PTPRM: variants seen among roughly 807,000 people sequenced by gnomAD.
PTPRM encodes protein tyrosine phosphatase receptor type M.
PTPRM carries 47 observed loss-of-function variants against 186.7 expected under a neutral mutation model. The ratio of observed to expected loss-of-function variants is 0.25; its 90% CI spans 0.20 to 0.32. The LOEUF (loss-of-function observed/expected upper bound fraction) is 0.32. Among genes scored for constraint, PTPRM ranks in the 10% least tolerant of loss-of-function variants. The pLI is 1.00. For missense variants in PTPRM, 1,494 were observed against 1,865.0 expected (o/e 0.80, Z 3.66); for synonymous variants, 668 against 674.9 (o/e 0.99, Z 0.16).
intron 14 of PTPRM, among the ~76,000 whole-genome samples, chr18:8,229,116 A>G (rs1325921998): frequency 1.3e-5 from 2 of 152,004 alleles, no homozygotes; most frequent in Non-Finnish European, 2.9e-5. Flanking sequence ...TATATTTTTT[A>G]TGATCAGGAA....
chr18:7,617,410 GT>G (rs2037831993), intron 1 of PTPRM, among the ~76,000 whole-genome samples: 1 of 152,068 alleles, frequency 6.6e-6, no homozygotes, highest in Non-Finnish European at 1.5e-5. Context: ...AGAAGTTATA[GT>G]TATTTGTTTA....
intron 1 of PTPRM, among the ~76,000 whole-genome samples, chr18:7,723,747 T>A (rs760841588): frequency 3.3e-4 from 50 of 152,324 alleles, no homozygotes; most frequent in Non-Finnish European, 3.5e-4. Flanking sequence ...TTCCAGCGTT[T>A]CCCTTCGGGA....
At position 7,629,464 on chromosome 18, in the gene PTPRM, A is replaced by G. The variant is rs1169009964; in HGVS notation, c.73+61573A>G. Among the ~76,000 whole-genome samples, 4 of 152,116 alleles carry G rather than the reference A, an allele frequency of 2.6e-5. No individual in the cohort carries two copies. The East Asian group carries it at 7.7e-4, about 29-fold the overall frequency. On this transcript the variant is annotated intron_variant, in intron 1 of 32. Coordinates refer to ENST00000580170, the MANE Select transcript of PTPRM (RefSeq NM_001105244.2). ...TTTAGGGTGGGGCCTGAACATCTGA[A>G]TTTTTAATCAACACAATAGGGGACC...
At chr18:7,590,867 C>G (rs2037107248) in intron 1 of PTPRM, among the ~76,000 whole-genome samples, 1 of 152,232 alleles carries the variant, frequency 6.6e-6, no homozygotes, top group Non-Finnish European at 1.5e-5. Flanking sequence ...TTCAGTTTTT[C>G]TGGATCTACC....
intron 5 of PTPRM, among the ~76,000 whole-genome samples, chr18:7,940,680 G>A (rs2052112357): frequency 6.6e-6 from 1 of 152,010 alleles, no homozygotes; most frequent in South Asian, 2.1e-4. Flanking sequence ...CTGGGTGTGT[G>A]CCTTCTCGGT....
intron 23 of PTPRM, among the ~76,000 whole-genome samples, chr18:8,365,992 AG>A (rs1327317371): frequency 1.3e-5 from 2 of 152,188 alleles, no homozygotes; most frequent in South Asian, 2.1e-4. Context: ...GCCTGGGGAG[AG>A]GGGGGCTTCA....
chr18:8,389,928 TAG>T (rs949229863), intron 31 of PTPRM, among the ~76,000 whole-genome samples: 1 of 152,114 alleles, frequency 6.6e-6, no homozygotes, highest in African/African-American at 2.4e-5. Flanking sequence ...GGTAGGCAAA[TAG>T]AGAGTGTTTT....
chr18:7,837,169 A>G (rs2046091827), intron 2 of PTPRM, among the ~76,000 whole-genome samples: 1 of 152,114 alleles, frequency 6.6e-6, no homozygotes, highest in African/African-American at 2.4e-5. Context: ...GCTATTTTCT[A>G]GTTCCTATAG....
At chr18:7,942,830 G>A (rs554372756) in intron 5 of PTPRM, among the ~76,000 whole-genome samples, 165 of 152,138 alleles carry the variant, frequency 1.1e-3, no homozygotes, top group African/African-American at 3.9e-3. Flanking sequence ...CCAGTACTTT[G>A]AGGACATCCC....
At position 8,063,332 on chromosome 18, in the gene PTPRM, G is replaced by A. The variant is rs201830015; in HGVS notation, c.1133-6354G>A. Among the ~76,000 whole-genome samples the A allele has an allele frequency of 4.8e-3, 715 of 150,498 alleles. 24 individuals are homozygous for A. Among genetic ancestry groups the A allele is most frequent in the Admixed American group, 0.038 (581 of 15,224 alleles). On this transcript the variant is annotated intron_variant, in intron 7 of 32. Transcript: ENST00000580170. ...TGCTTCGGCTTGCGCACACCCACTG[G>A]CCTGCGCCCACTGTCTGGCACTCCC...
intron 1 of PTPRM, among the ~76,000 whole-genome samples, chr18:7,586,311 A>T (rs1250061022): frequency 6.6e-6 from 1 of 152,104 alleles, no homozygotes; most frequent in East Asian, 1.9e-4. Flanking sequence ...CGGGTGGATG[A>T]ATGGTTCAGG....
At chr18:8,078,833 G>A (rs1384332594) in intron 9 of PTPRM, among the ~76,000 whole-genome samples, 1 of 152,160 alleles carries the variant, frequency 6.6e-6, no homozygotes, top group African/African-American at 2.4e-5. Flanking sequence ...AGAGAGCAAA[G>A]TAGGGGGTGC....
chr18:8,121,744 G>A (rs1014065206), intron 13 of PTPRM: 3 of 152,170 alleles, frequency 2.0e-5, no homozygotes, highest in African/African-American at 7.2e-5. Flanking sequence ...GTGAAAGAGT[G>A]TAATATTCTT....
intron 1 of PTPRM, among the ~76,000 whole-genome samples, chr18:7,712,666 AG>A (rs1219028440): frequency 6.6e-6 from 1 of 152,076 alleles, no homozygotes; most frequent in Non-Finnish European, 1.5e-5. Flanking sequence ...AGTTTAGAGA[AG>A]AACATAAATG....
At chr18:8,258,433 A>G (rs930402357) in intron 19 of PTPRM, among the ~76,000 whole-genome samples, 1 of 152,104 alleles carries the variant, frequency 6.6e-6, no homozygotes, top group African/African-American at 2.4e-5. Flanking sequence ...CCAGCCCTAG[A>G]CAAGGGTGTG....
intron 13 of PTPRM, among the ~76,000 whole-genome samples, chr18:8,133,877 A>G (rs577105262): frequency 1.3e-5 from 2 of 152,286 alleles, no homozygotes; most frequent in Non-Finnish European, 2.9e-5. Context: ...CGGCTGCACT[A>G]TGTCAAAGAC....
At chr18:8,317,539 G>A (rs1223675390) in intron 21 of PTPRM, among the ~76,000 whole-genome samples, 1 of 152,128 alleles carries the variant, frequency 6.6e-6, no homozygotes, top group East Asian at 1.9e-4. Context: ...GGGGCTGGAG[G>A]AGCTCACTCA....
At chr18:7,850,766 A>T (rs1434704012) in intron 2 of PTPRM, among the ~76,000 whole-genome samples, 1 of 152,224 alleles carries the variant, frequency 6.6e-6, no homozygotes, top group African/African-American at 2.4e-5. Context: ...TCTGGATGAA[A>T]GTAACATTAA....
chr18:8,230,353 A>G (rs1022078013), intron 14 of PTPRM, among the ~76,000 whole-genome samples: 2 of 152,248 alleles, frequency 1.3e-5, no homozygotes, highest in African/African-American at 4.8e-5. Context: ...CGATGTTAGA[A>G]GAACACTTTC....
Sources: gnomAD v4.1 joint callset for allele counts (sites outside exome capture counted in the v4.1 genomes callset) on GRCh38, gnomAD v4.1.1 for gene constraint, MANE v1.5 for transcripts, NCBI Gene and HGNC (gene_info 2026-07-23, HGNC 2026-07-21) for gene names.